The following ALK variants were observed in gnomAD, a reference collection of about 807,000 sequenced individuals.
ALK encodes ALK tyrosine kinase receptor.
ALK carries 74 observed loss-of-function variants against 163.1 expected under a neutral mutation model. The ratio of observed to expected loss-of-function variants is 0.45; its 90% CI spans 0.38 to 0.55. ALK has a LOEUF of 0.55. Among genes scored for constraint, ALK ranks in the 20% least tolerant of loss-of-function variants. ALK has a pLI of 0.00. For missense variants in ALK, 2,063 were observed against 2,105.3 expected (o/e 0.98, Z 0.39); for synonymous variants, 960 against 843.2 (o/e 1.14, Z -2.40).
chr2:29,862,847 A>G (rs1001912786), intron 1 of ALK, among the ~76,000 whole-genome samples: 2 of 151,574 alleles, frequency 1.3e-5, no homozygotes. Context: ...TGGGGGCATC[A>G]CACTACCTGA....
At chr2:29,698,023 TG>T (rs747512009) in intron 2 of ALK, among the ~76,000 whole-genome samples, 71 of 152,330 alleles carry the variant, frequency 4.7e-4, no homozygotes, top group Non-Finnish European at 9.6e-4. Flanking sequence ...TTCTATTGAG[TG>T]TCTTTCTGCT....
intron 8 of ALK, among the ~76,000 whole-genome samples, chr2:29,313,328 C>T (rs973009234): frequency 9.9e-5 from 15 of 152,142 alleles, no homozygotes; most frequent in African/African-American, 3.1e-4. Flanking sequence ...CACATGGGGC[C>T]GAGAATGAGG....
At chr2:29,231,779 T>C (rs1433047247) in intron 15 of ALK, among the ~76,000 whole-genome samples, 1 of 152,238 alleles carries the variant, frequency 6.6e-6, no homozygotes, top group African/African-American at 2.4e-5. Context: ...ATTGACACTC[T>C]CTTCCCTGCC....
At chr2:29,850,017 C>G (rs1005129864) in intron 1 of ALK, among the ~76,000 whole-genome samples, 1 of 152,118 alleles carries the variant, frequency 6.6e-6, no homozygotes, top group African/African-American at 2.4e-5. Context: ...AAAAGGAAGA[C>G]CCAGGTCAAA....
chr2:29,588,730 C>A (rs937453628), intron 3 of ALK, among the ~76,000 whole-genome samples: 1 of 152,198 alleles, frequency 6.6e-6, no homozygotes, highest in Non-Finnish European at 1.5e-5. Context: ...AATATGTAAG[C>A]AAATGAGTTT....
chr2:29,582,603 T>C (rs559713056), intron 3 of ALK, among the ~76,000 whole-genome samples: 9 of 152,342 alleles, frequency 5.9e-5, no homozygotes, highest in African/African-American at 2.2e-4. Flanking sequence ...AGTTTCTGTG[T>C]TGATGCTCTA....
chr2:29,603,065 A>G (rs1170663357), intron 3 of ALK, among the ~76,000 whole-genome samples: 1 of 152,208 alleles, frequency 6.6e-6, no homozygotes, highest in Non-Finnish European at 1.5e-5. Context: ...TTGTCGACAG[A>G]GTTAAGTTAT....
chr2:29,534,476 G>A (rs1377056241), intron 3 of ALK, among the ~76,000 whole-genome samples: 1 of 152,106 alleles, frequency 6.6e-6, no homozygotes, highest in Non-Finnish European at 1.5e-5. Context: ...ATGGCCTGGG[G>A]TTAGGATGAA....
At chr2:29,683,204 C>T (rs960409520) in intron 3 of ALK, among the ~76,000 whole-genome samples, 1 of 151,906 alleles carries the variant, frequency 6.6e-6, no homozygotes, top group Admixed American at 6.6e-5. Flanking sequence ...TCATGAAACC[C>T]CGTCTCTAAT....
chr2:29,195,527 G>A (rs902839328), intron 28 of ALK, among the ~76,000 whole-genome samples: 2 of 152,134 alleles, frequency 1.3e-5, no homozygotes, highest in Admixed American at 1.3e-4. Context: ...GAGGTCAGGA[G>A]TTCGAGATCA....
At chr2:29,816,814 G>T (rs915402442) in intron 1 of ALK, among the ~76,000 whole-genome samples, 9 of 152,208 alleles carry the variant, frequency 5.9e-5, no homozygotes, top group Admixed American at 5.2e-4. Context: ...AGCCTGACGG[G>T]ATGTGATGTA....
At chr2:29,847,181 A>T (rs1294613354) in intron 1 of ALK, among the ~76,000 whole-genome samples, 5 of 152,182 alleles carry the variant, frequency 3.3e-5, no homozygotes, top group African/African-American at 1.2e-4. Context: ...ATACCTCGGT[A>T]TTCTCATCTA....
chr2:29,375,289 G>A (rs1460269340), intron 5 of ALK, among the ~76,000 whole-genome samples: 1 of 151,672 alleles, frequency 6.6e-6, no homozygotes, highest in Non-Finnish European at 1.5e-5. Flanking sequence ...CTACTGACAT[G>A]TTGTTATCCC....
intron 4 of ALK, among the ~76,000 whole-genome samples, chr2:29,464,703 T>C (rs1191077541): frequency 2.6e-5 from 4 of 152,164 alleles, no homozygotes; most frequent in African/African-American, 9.7e-5. Flanking sequence ...GGACGTGATT[T>C]TTGTTGTCAG....
chr2:29,651,467 T>G (rs1677033787), intron 3 of ALK, among the ~76,000 whole-genome samples: 1 of 152,156 alleles, frequency 6.6e-6, no homozygotes, highest in South Asian at 2.1e-4. Context: ...ATCAGACCCT[T>G]AATGCATTGG....
chr2:29,526,223 C>T (rs776354957), intron 4 of ALK, among the ~76,000 whole-genome samples: 39 of 152,230 alleles, frequency 2.6e-4, no homozygotes, highest in East Asian at 9.7e-4. Flanking sequence ...ACGACAACCC[C>T]GTGAGTGGCA....
chr2:29,660,004 TA>T (rs944449606), intron 3 of ALK, among the ~76,000 whole-genome samples: 1 of 152,176 alleles, frequency 6.6e-6, no homozygotes. Context: ...CTCCATCTTT[TA>T]AAAAGTGATA....
rs1023103114 is a variant in ALK, at chr2:29,227,250, G to A, written c.2915-176C>T. 2.0e-5 allele frequency among the ~76,000 whole-genome samples: 3 copies of A among 152,212 alleles called. No homozygotes were observed. The highest frequency in any genetic ancestry group is 7.2e-5 in the African/African-American group (3 of 41,452). ...TCTTCCTGTGCATATAGAGAGTGCAGCGGAGGCAGCGGGCATGGGTGTCTA... is the reference window on the plus strand; with the variant it reads ...TCTTCCTGTGCATATAGAGAGTGCAACGGAGGCAGCGGGCATGGGTGTCTA... On this transcript the variant is annotated intron_variant, in intron 17 of 28. Transcript: ENST00000389048. This position sits in a 1 kb window ranked among gnomAD's most constrained non-coding sequence, Gnocchi z 4.4.
At chr2:29,844,294 A>C (rs992294290) in intron 1 of ALK, among the ~76,000 whole-genome samples, 1 of 152,214 alleles carries the variant, frequency 6.6e-6, no homozygotes, top group African/African-American at 2.4e-5. Context: ...GACCAGCAGC[A>C]GATGGGGGCA....
Sources: gnomAD v4.1 joint callset for allele counts (sites outside exome capture counted in the v4.1 genomes callset) on GRCh38, gnomAD v4.1.1 for gene constraint, Gnocchi (gnomAD v3.1) non-coding constraint, MANE v1.5 for transcripts, NCBI Gene and HGNC (gene_info 2026-07-23, HGNC 2026-07-21) for gene names.